SLU7: variants seen among roughly 807,000 people sequenced by gnomAD.
SLU7 encodes pre-mRNA-splicing factor SLU7.
A neutral mutation model predicts 87.0 loss-of-function variants in SLU7; 60 were observed. The ratio of observed to expected loss-of-function variants is 0.69; its 90% CI spans 0.56 to 0.86. SLU7 has a LOEUF of 0.86. Among genes scored for constraint, SLU7 ranks in the 40% least tolerant of loss-of-function variants. SLU7 has a pLI of 0.00. For missense variants in SLU7, 507 were observed against 686.6 expected (o/e 0.74, Z 2.92); for synonymous variants, 197 against 222.0 (o/e 0.89, Z 1.00).
At chr5:160,413,721 T>G in intron 4 of SLU7, 101 bp from the exon 5 acceptor site, 1 of 1,134,174 alleles carries the variant, frequency 8.8e-7, no homozygotes, top group African/African-American at 1.6e-5. Context: ...TCTATTCAAT[T>G]TACAGTTAGT....
chr5:160,406,709 T>C, intron 11 of SLU7, 80 bp from the exon 12 acceptor site: 1 of 1,155,674 alleles, frequency 8.7e-7, no homozygotes, highest in Non-Finnish European at 1.2e-6. Context: ...TTATTTCTAA[T>C]CAGAAAGAAA....
intron 12 of SLU7, among the ~76,000 whole-genome samples, chr5:160,405,792 A>C (rs1191470369): frequency 6.6e-6 from 1 of 152,240 alleles, no homozygotes; most frequent in Non-Finnish European, 1.5e-5. Context: ...GGAACCAGTC[A>C]ATACAGAATA....
rs937544156 is a variant in SLU7 at position 160,408,864 on chromosome 5, T to TTA, written c.640-169_640-168dup. On this transcript the variant is annotated intron_variant, in intron 6 of 15. Transcript: ENST00000297151. ...TTATATTATATATAATAAATATTTA[T>TTA]TATATAATATATAATATGTAACTTA... Among the ~76,000 whole-genome samples the TTA allele has an allele frequency of 2.1e-3, 108 of 51,706 alleles. 1 individual carries two copies. The highest frequency in any genetic ancestry group is 5.2e-3 in the African/African-American group (102 of 19,686). The allele number at this position is 51,706 out of a possible 152,430, so 33.9% of individuals were successfully genotyped here.
chr5:160,413,873 T>C, intron 4 of SLU7, 26 bp downstream of exon 4: 1 of 1,514,458 alleles, frequency 6.6e-7, no homozygotes, highest in South Asian at 1.2e-5. Context: ...GACAACGGTT[T>C]TCAAAATTTT....
intron 12 of SLU7, 151 bp downstream of exon 12, chr5:160,406,317 A>G: frequency 1.7e-6 from 1 of 590,778 alleles, no homozygotes; most frequent in Non-Finnish European, 2.7e-6. Context: ...AAATTTTTCT[A>G]TTTTTGAAAA....
rs1203955264 is a variant in SLU7, at chr5:160,402,418, AAGAG to A, written c.*863_*866del. On this transcript the variant is annotated 3_prime_UTR_variant, in exon 16 of 16. Coordinates refer to ENST00000297151, the MANE Select transcript of SLU7 (RefSeq NM_006425.5). The stretch of plus-strand genomic sequence containing the variant: ...ATTTAGTCTACTCCAGAGGCCAAGG[AAGAG>A]AGAATCGCTTGAGCCCAAGACTGCA... 16 of 152,306 alleles carry A rather than the reference AAGAG, an allele frequency of 1.1e-4. No individual in the cohort carries two copies. Among genetic ancestry groups the A allele is most frequent in the African/African-American group, 3.8e-4 (16 of 41,578 alleles). The allele number at this position is 152,306 out of a possible 1,614,324, so 9.4% of individuals were successfully genotyped here.
intron 1 of SLU7, among the ~76,000 whole-genome samples, chr5:160,415,551 C>T (rs890165749): frequency 6.6e-6 from 1 of 152,208 alleles, no homozygotes; most frequent in Non-Finnish European, 1.5e-5. Flanking sequence ...TCACAGGACT[C>T]TTTTCTCATA....
chr5:160,417,653 G>A (rs551675793), intron 1 of SLU7, among the ~76,000 whole-genome samples: 1 of 152,114 alleles, frequency 6.6e-6, no homozygotes, highest in Non-Finnish European at 1.5e-5. Context: ...TCAGCCAGGC[G>A]TGGTGGCGTG....
intron 1 of SLU7, chr5:160,417,138 C>T (rs1237716744): frequency 6.6e-6 from 1 of 152,170 alleles, no homozygotes; most frequent in Non-Finnish European, 1.5e-5. Flanking sequence ...CAGGTCTGGG[C>T]TATGTCTTCA....
chr5:160,405,041 T>C lies in SLU7; in HGVS notation c.1382A>G (p.Lys461Arg). Residue 461 changes from lysine to arginine, a missense_variant, in exon 13 of 16, where the codon AAG becomes AGG. By Grantham distance (26) the Lys-to-Arg change is conservative. Around this residue, in one of 6 missense-constraint regions of SLU7, gnomAD observed 201 missense variants for 213.4 expected, o/e 0.94. Coordinates refer to ENST00000297151, the MANE Select transcript of SLU7 (RefSeq NM_006425.5). ...KYSYCTGEAGKEIVNSEECII... is the reference protein window; with the variant it reads ...KYSYCTGEAGREIVNSEECII... ...AAGACAATTACTTACAACAATCTCC[T>C]TCCCAGCTTCTCCAGTACAATAGGA... The C allele has an allele frequency of 3.7e-6, 6 of 1,611,092 alleles. No homozygotes were observed. Among genetic ancestry groups the C allele is most frequent in the Non-Finnish European group, 5.1e-6 (6 of 1,177,264 alleles).
In SLU7 at chr5:160,407,815, T is replaced by C. The variant is rs1765069631; in HGVS notation, c.918-2A>G. The C allele has an allele frequency of 4.4e-6, 7 of 1,604,086 alleles. No individual in the cohort carries two copies. Among genetic ancestry groups the C allele is most frequent in the Non-Finnish European group, 6.0e-6 (7 of 1,172,242 alleles). ...AAGTTATCTCCAGCATAACTCACTCTGTAAATACAAATAAAGAAAATGTTT... is the reference window on the plus strand; with the variant it reads ...AAGTTATCTCCAGCATAACTCACTCCGTAAATACAAATAAAGAAAATGTTT... On this transcript the variant is annotated splice_acceptor_variant, in intron 9 of 15. Coordinates refer to ENST00000297151, the MANE Select transcript of SLU7 (RefSeq NM_006425.5). LOFTEE classifies it high-confidence loss of function. This position sits in a 1 kb window ranked among gnomAD's most constrained non-coding sequence, Gnocchi z 4.2.
chr5:160,411,236 T>C (rs553580195), intron 6 of SLU7, among the ~76,000 whole-genome samples: 1 of 152,010 alleles, frequency 6.6e-6, no homozygotes, highest in South Asian at 2.1e-4. Flanking sequence ...GATTGACTGA[T>C]TGACTGATTG....
At chr5:160,414,583 G>T in intron 2 of SLU7, 111 bp from the exon 3 acceptor site, 1 of 578,234 alleles carries the variant, frequency 1.7e-6, no homozygotes, top group Non-Finnish European at 2.9e-6. Context: ...TATTGCAGTG[G>T]TAGGGGGAAG....
chr5:160,413,006 C>T (rs1308671571), intron 5 of SLU7, among the ~76,000 whole-genome samples: 2 of 151,806 alleles, frequency 1.3e-5, no homozygotes, highest in Non-Finnish European at 2.9e-5. Flanking sequence ...CAAATCATAA[C>T]AGTAAAAACT....
Position 160,406,492 on chromosome 5 carries a change from C to T in SLU7, c.1263G>A (p.Glu421=), listed in dbSNP as rs1765019324. The change falls in exon 12 of 16, where the codon GAG becomes GAA. Residue 421 remains glutamate, a synonymous_variant. Transcript: ENST00000297151. ...ERAVACSKYE[E]DVKIHNHTHI... is the part of the protein sequence containing the mutation. ...CTGTGTGATTGTGGATCTTCACATC[C>T]TCCTCATACTTAGAGCAGGCAACAG... The T allele has an allele frequency of 6.2e-7, 1 of 1,610,548 alleles. No homozygotes were observed. The highest frequency in any genetic ancestry group is 1.7e-5 in the Admixed American group (1 of 59,062).
Position 160,404,878 on chromosome 5 carries a change from G to A in SLU7, c.1395C>T (p.Asn465=), listed in dbSNP as rs765869729. ...CTGEAGKEIV[N]SEECIINEIT... ...TCTCATTTATAATACACTCCTCAGA[G>A]TTCTGTGGGAAATACATGTAATTTG... The change falls in exon 14 of 16, where the codon AAC becomes AAT. Residue 465 remains asparagine (N), a splice_region_variant and synonymous_variant. Coordinates refer to ENST00000297151, the MANE Select transcript of SLU7 (RefSeq NM_006425.5). 1.2e-6 allele frequency: 2 copies of A among 1,604,796 alleles called. No homozygotes were observed. Among genetic ancestry groups the A allele is most frequent in the South Asian group, 2.2e-5 (2 of 90,830 alleles).
At chr5:160,410,928 A>AG (rs1765205659) in intron 6 of SLU7, among the ~76,000 whole-genome samples, 2 of 150,524 alleles carry the variant, frequency 1.3e-5, no homozygotes, top group Non-Finnish European at 2.9e-5. Flanking sequence ...GTGCAGCGGC[A>AG]TGATCTTGGC....
intron 12 of SLU7, chr5:160,406,237 A>G: frequency 2.8e-6 from 1 of 362,202 alleles, no homozygotes. Flanking sequence ...TAGACAAAGC[A>G]TATAAGGCAA....
At chr5:160,405,956 GC>G (rs1258775419) in intron 12 of SLU7, among the ~76,000 whole-genome samples, 1 of 152,046 alleles carries the variant, frequency 6.6e-6, no homozygotes, top group Non-Finnish European at 1.5e-5. Flanking sequence ...GGTGTTAAAG[GC>G]ATTTTTCTGT....
Sources: gnomAD v4.1 joint callset for allele counts (sites outside exome capture counted in the v4.1 genomes callset) on GRCh38, gnomAD v4.1.1 for gene constraint, gnomAD v4.1.1 regional missense constraint, Gnocchi (gnomAD v3.1) non-coding constraint, MANE v1.5 for transcripts, NCBI Gene and HGNC (gene_info 2026-07-23, HGNC 2026-07-21) for gene names.